The following DDC variants were observed in gnomAD, a reference collection of about 807,000 sequenced individuals.
DDC encodes dopa decarboxylase, also known as aromatic-L-amino-acid decarboxylase.
DDC carries 43 observed loss-of-function variants against 60.0 expected under a neutral mutation model. That is an observed-to-expected ratio of 0.72 (90% CI 0.56 to 0.92). The LOEUF (loss-of-function observed/expected upper bound fraction) is 0.92. DDC is among the 40% of genes least tolerant of loss of function. The pLI is 0.00. For missense variants in DDC, 573 were observed against 620.2 expected (o/e 0.92, Z 0.81); for synonymous variants, 232 against 234.6 (o/e 0.99, Z 0.10).
intron 14 of DDC, among the ~76,000 whole-genome samples, chr7:50,462,226 C>CAAAAAAAAATAAAAAAAAAAAAAAA (rs2042290523): frequency 1.3e-5 from 1 of 75,380 alleles, no homozygotes; most frequent in Non-Finnish European, 2.4e-5. Flanking sequence ...GACAAAAAGA[C>CAAAAAAAAATAAAAAAAAAAAAAAA]AAAAAAAAAA....
intron 6 of DDC, among the ~76,000 whole-genome samples, chr7:50,521,005 T>C (rs2043874557): frequency 6.6e-6 from 1 of 150,782 alleles, no homozygotes; most frequent in Non-Finnish European, 1.5e-5. Context: ...TCAATGAAAT[T>C]GGAAATAGGA....
rs549115509 is a variant in DDC at position 50,501,321 on chromosome 7, A to G, written c.782-2079T>C. ...CTCACACCTTGAGATGGCCTCCCCA[A>G]CTCAGCCCATACCCTCGTCCTCAGT... On this transcript the variant is annotated intron_variant, in intron 7 of 14. Coordinates refer to ENST00000444124, the MANE Select transcript of DDC (RefSeq NM_001082971.2). Among the ~76,000 whole-genome samples, 36 of 152,048 alleles carry G rather than the reference A, an allele frequency of 2.4e-4. 2 individuals carry two copies. The South Asian group carries it at 6.0e-3, about 25-fold the overall frequency.
At chr7:50,553,618 G>A in intron 1 of DDC, among the ~76,000 whole-genome samples, 1 of 151,182 alleles carries the variant, frequency 6.6e-6, no homozygotes, top group Non-Finnish European at 1.5e-5. Context: ...TCCTGAGTAG[G>A]TGGGACTACA....
intron 14 of DDC, among the ~76,000 whole-genome samples, chr7:50,460,048 G>A (rs1314593894): frequency 1.4e-5 from 2 of 146,494 alleles, no homozygotes; most frequent in African/African-American, 5.2e-5. Flanking sequence ...CCCCGTCCGG[G>A]AAGGAGGTGG....
At chr7:50,539,701 G>T in intron 3 of DDC, 1 of 558,578 alleles carries the variant, frequency 1.8e-6, no homozygotes, top group East Asian at 3.3e-5. Context: ...TGCAGAATGG[G>T]CTTTGAGTTG....
In DDC at chr7:50,543,940, T is replaced by C; in HGVS notation, c.146A>G (p.Glu49Gly). The change falls in exon 2 of 15, where the codon GAG (glutamate) becomes GGG (glycine). Residue 49 changes from glutamate to glycine, a missense_variant. Glu to Gly is a moderately conservative substitution (Grantham distance 98, BLOSUM62 -2). Transcript: ENST00000444124. ...RPLIPAAAPQ[E>G]PDTFEDIIND... ...GATGATGTCCTCAAACGTGTCTGGC[T>C]CCTGAGGGGCAGCGGCAGGGATCAG... 3 of 1,614,138 alleles carry C rather than the reference T, an allele frequency of 1.9e-6. No homozygotes were observed. Among genetic ancestry groups the C allele is most frequent in the Admixed American group, 1.7e-5 (1 of 60,016 alleles).
intron 4 of DDC, among the ~76,000 whole-genome samples, chr7:50,535,311 T>C (rs1348171039): frequency 1.3e-5 from 2 of 152,098 alleles, no homozygotes; most frequent in Admixed American, 1.3e-4. Flanking sequence ...CACACCTGGA[T>C]AATTTTTGTA....
At chr7:50,521,088 CACA>C (rs1409959104) in intron 6 of DDC, among the ~76,000 whole-genome samples, 1 of 151,858 alleles carries the variant, frequency 6.6e-6, no homozygotes, top group Non-Finnish European at 1.5e-5. Context: ...AGAAAAAAGA[CACA>C]CATTGCTAAT....
intron 9 of DDC, chr7:50,492,699 T>TCTCCCA: frequency 7.2e-7 from 1 of 1,381,422 alleles, no homozygotes; most frequent in Non-Finnish European, 9.4e-7. Flanking sequence ...CCAAATGGCC[T>TCTCCCA]TTTCCAAATG....
chr7:50,466,838 A>T (rs181221065), intron 13 of DDC, among the ~76,000 whole-genome samples: 3 of 152,370 alleles, frequency 2.0e-5, no homozygotes, highest in Admixed American at 2.0e-4. Context: ...GACAATGCTG[A>T]TGATGCTGAT....
At chr7:50,478,765 A>T (rs935963853) in intron 10 of DDC, among the ~76,000 whole-genome samples, 1 of 152,184 alleles carries the variant, frequency 6.6e-6, no homozygotes, top group African/African-American at 2.4e-5. Context: ...CATGAGGTAC[A>T]TGTGGGAAGG....
In DDC at chr7:50,522,948, G is replaced by A. The variant is rs537709352; in HGVS notation, c.714+5189C>T. 1.4e-4 allele frequency among the ~76,000 whole-genome samples: 22 copies of A among 152,160 alleles called. No individual in the cohort carries two copies. In the South Asian group the frequency reaches 2.9e-3, roughly 20 times the overall value. On this transcript the variant is annotated intron_variant, in intron 6 of 14. Transcript: ENST00000444124. Reference sequence around the variant, plus strand: ...GGTGCTACACACTGTTTAAACAGCCGGATCTCATGAGAATTCACTCACTAT... The same window carrying A: ...GGTGCTACACACTGTTTAAACAGCCAGATCTCATGAGAATTCACTCACTAT...
intron 8 of DDC, 72 bp downstream of exon 8, chr7:50,499,076 T>G (rs185019451): frequency 9.4e-6 from 11 of 1,174,022 alleles, no homozygotes; most frequent in South Asian, 6.1e-5. Context: ...GGACGTCAGC[T>G]CCTCATGAAG....
At chr7:50,521,433 T>C (rs1008784638) in intron 6 of DDC, among the ~76,000 whole-genome samples, 8 of 152,194 alleles carry the variant, frequency 5.3e-5, no homozygotes, top group African/African-American at 2.4e-5. Context: ...ACTCATTCTA[T>C]GAGACCAGTA....
intron 4 of DDC, among the ~76,000 whole-genome samples, chr7:50,534,101 G>A (rs140147163): frequency 6.6e-6 from 1 of 152,174 alleles, no homozygotes; most frequent in Non-Finnish European, 1.5e-5. Context: ...GGAATGTCAC[G>A]TGCAAGGATG....
chr7:50,534,255 G>C (rs2044314263), intron 4 of DDC, among the ~76,000 whole-genome samples: 2 of 152,154 alleles, frequency 1.3e-5, no homozygotes, highest in Non-Finnish European at 2.9e-5. Context: ...GAGCTTTGCA[G>C]AGCCTTCTGA....
At chr7:50,476,504 TAGAA>T in intron 11 of DDC, 116 bp downstream of exon 11, 1 of 952,018 alleles carries the variant, frequency 1.1e-6, no homozygotes, top group Non-Finnish European at 1.7e-6. Context: ...AGGACCCAGT[TAGAA>T]GGTGCCCACC....
chr7:50,501,975 G>C (rs1259933554), intron 7 of DDC, among the ~76,000 whole-genome samples: 4 of 152,160 alleles, frequency 2.6e-5, no homozygotes, highest in Admixed American at 1.3e-4. Context: ...TCAGAAAGCT[G>C]AGGCAGGAGA....
At chr7:50,522,568 CAAAT>C (rs2153544399) in intron 6 of DDC, among the ~76,000 whole-genome samples, 1 of 152,210 alleles carries the variant, frequency 6.6e-6, no homozygotes, top group Admixed American at 6.5e-5. Flanking sequence ...AAGGAAGAGA[CAAAT>C]AAATGAGTTG....
Sources: allele counts gnomAD v4.1 joint callset (sites outside exome capture counted in the v4.1 genomes callset), GRCh38; gene constraint gnomAD v4.1.1; transcripts MANE v1.5; gene names NCBI Gene and HGNC (gene_info 2026-07-23, HGNC 2026-07-21).